Variants in BTBD10 observed in about 807,000 individuals in gnomAD.
The protein encoded by BTBD10 is BTB/POZ domain-containing protein 10.
A neutral mutation model predicts 53.2 loss-of-function variants in BTBD10; 21 were observed. That is an observed-to-expected ratio of 0.39 (90% CI 0.28 to 0.57). The LOEUF (loss-of-function observed/expected upper bound fraction) is 0.57. Ranked by LOEUF, BTBD10 falls within the 20% of genes least tolerant of loss-of-function variation. BTBD10 has a pLI of 0.53. For missense variants in BTBD10, 360 were observed against 594.7 expected, an observed-to-expected ratio of 0.61 and a Z score of 4.10; for synonymous variants, 149 against 192.7, an observed-to-expected ratio of 0.77 and a Z score of 1.88.
intron 8 of BTBD10, among the ~76,000 whole-genome samples, chr11:13,395,189 T>C (rs967775143): frequency 1.9e-4 from 28 of 150,860 alleles, no homozygotes; most frequent in African/African-American, 5.6e-4. Context: ...TTTCTCCACA[T>C]CCTCTCCAGC....
chr11:13,432,014 A>G (rs892302312), intron 2 of BTBD10, among the ~76,000 whole-genome samples: 1 of 152,122 alleles, frequency 6.6e-6, no homozygotes, highest in African/African-American at 2.4e-5. Context: ...ATACCATAGA[A>G]TATTATTCAG....
chr11:13,419,797 A>T (rs1459265375), intron 3 of BTBD10, 52 bp from the exon 4 acceptor site: 1 of 1,378,270 alleles, frequency 7.3e-7, no homozygotes, highest in Middle Eastern at 2.0e-4. Context: ...TACAAATTCA[A>T]GATTTATATA....
At chr11:13,389,850 T>C (rs1442723339) in intron 8 of BTBD10, among the ~76,000 whole-genome samples, 1 of 152,248 alleles carries the variant, frequency 6.6e-6, no homozygotes, top group Non-Finnish European at 1.5e-5. Context: ...GTTTTTTCTT[T>C]TCTTTTTGTT....
chr11:13,441,853 A>G (rs1375996427), intron 2 of BTBD10, among the ~76,000 whole-genome samples: 1 of 152,192 alleles, frequency 6.6e-6, no homozygotes, highest in Non-Finnish European at 1.5e-5. Context: ...TTTAAAAACC[A>G]TATTTCTCAG....
In BTBD10 at chr11:13,390,043, T is replaced by C. The variant is rs377712426; in HGVS notation, c.1118-902A>G. On this transcript the variant is annotated intron_variant, in intron 8 of 8. Coordinates refer to ENST00000278174, the MANE Select transcript of BTBD10 (RefSeq NM_032320.7). ...TTAATAGTACCTAATATTACCTTCC[T>C]CTTTTGGAACATAGTCACTTAAAAG... Among the ~76,000 whole-genome samples the C allele has an allele frequency of 8.5e-5, 13 of 152,254 alleles. No individual in the cohort carries two copies. The South Asian group carries it at 2.7e-3, about 32-fold the overall frequency.
intron 8 of BTBD10, among the ~76,000 whole-genome samples, chr11:13,394,252 C>T (rs1301079732): frequency 2.6e-5 from 4 of 152,186 alleles, no homozygotes; most frequent in African/African-American, 7.2e-5. Context: ...GTAATCCCAA[C>T]GTGTCAGGAG....
intron 6 of BTBD10, among the ~76,000 whole-genome samples, chr11:13,413,116 T>C (rs935442113): frequency 6.6e-6 from 1 of 152,194 alleles, no homozygotes; most frequent in Non-Finnish European, 1.5e-5. Flanking sequence ...TTTTGAGAAT[T>C]ATTTGTGTTT....
intron 6 of BTBD10, among the ~76,000 whole-genome samples, chr11:13,410,646 C>G (rs1263901084): frequency 6.6e-6 from 1 of 152,122 alleles, no homozygotes; most frequent in Non-Finnish European, 1.5e-5. Flanking sequence ...TTATTTATAA[C>G]ATAGTCAATT....
rs202045786 is a variant in BTBD10 at position 13,413,611 on chromosome 11, T to C, written c.727A>G (p.Ile243Val). ...GCTTCTCTCAGTTCAGGAATAGATA[T>C]GCCATCAGGACAACGGATTATTCCT... ...KTGIIRCPDG[I>V]SIPELREACD... Residue 243 changes from isoleucine to valine, a missense_variant, in exon 6 of 9, where the codon ATA becomes GTA. Physicochemically the swap from Ile to Val is conservative, Grantham distance 29. Transcript: ENST00000278174. The C allele has an allele frequency of 1.4e-5, 22 of 1,611,830 alleles. No homozygotes were observed. The highest frequency in any genetic ancestry group is 2.2e-5 in the South Asian group (2 of 90,926).
At chr11:13,451,206 A>G (rs1950852280) in intron 1 of BTBD10, among the ~76,000 whole-genome samples, 2 of 152,190 alleles carry the variant, frequency 1.3e-5, no homozygotes, top group South Asian at 4.1e-4. Context: ...TGGCAGAAAA[A>G]GCAGGCAGAG....
At chr11:13,416,752 G>A (rs112167710) in intron 5 of BTBD10, among the ~76,000 whole-genome samples, 3,659 of 152,270 alleles carry the variant, frequency 0.024, 51 homozygotes, top group Non-Finnish European at 0.038. Context: ...CGAGGCAGGA[G>A]GATCGCTTGA....
rs567665702 is a variant in BTBD10 at position 13,418,462 on chromosome 11, G to A, written c.584+998C>T. 2.6e-5 allele frequency among the ~76,000 whole-genome samples: 4 copies of A among 151,958 alleles called. No individual in the cohort carries two copies. The East Asian group carries it at 5.8e-4, about 22-fold the overall frequency. ...CTTTTTTATTGTTTCTATATATTAT[G>A]TAAAAATATAAAGTATCATTAACAC... On this transcript the variant is annotated intron_variant, in intron 4 of 8. Transcript: ENST00000278174.
intron 1 of BTBD10, among the ~76,000 whole-genome samples, chr11:13,460,439 A>AT (rs1951070479): frequency 1.3e-5 from 2 of 152,290 alleles, no homozygotes; most frequent in South Asian, 4.1e-4. Flanking sequence ...CCCATTCCCC[A>AT]TAACCCAACT....
intron 7 of BTBD10, chr11:13,404,653 G>T: frequency 1.0e-6 from 1 of 975,184 alleles, no homozygotes; most frequent in Non-Finnish European, 1.2e-6. Context: ...AAAGAGCCTA[G>T]AACTGAGGAA....
At chr11:13,391,854 G>C (rs575067730) in intron 8 of BTBD10, among the ~76,000 whole-genome samples, 1 of 152,202 alleles carries the variant, frequency 6.6e-6, no homozygotes, top group Non-Finnish European at 1.5e-5. Flanking sequence ...TGAGACAGGA[G>C]AATCACTTGA....
intron 7 of BTBD10, 49 bp downstream of exon 7, chr11:13,405,610 A>T: frequency 6.3e-7 from 1 of 1,599,498 alleles, no homozygotes; most frequent in Admixed American, 1.7e-5. Flanking sequence ...CATAAACAAG[A>T]AATAATTCGT....
At chr11:13,430,411 C>T (rs1334125064) in intron 2 of BTBD10, among the ~76,000 whole-genome samples, 1 of 152,168 alleles carries the variant, frequency 6.6e-6, no homozygotes, top group Non-Finnish European at 1.5e-5. Context: ...CTCTCATACA[C>T]TTGTGGTAGG....
At chr11:13,418,715 A>G (rs1950177471) in intron 4 of BTBD10, among the ~76,000 whole-genome samples, 1 of 152,186 alleles carries the variant, frequency 6.6e-6, no homozygotes, top group Non-Finnish European at 1.5e-5. Flanking sequence ...CTAGTAAAGT[A>G]CAAGTTTTTA....
intron 5 of BTBD10, among the ~76,000 whole-genome samples, chr11:13,416,646 T>C (rs1283857547): frequency 1.3e-5 from 2 of 152,162 alleles, no homozygotes; most frequent in African/African-American, 4.8e-5. Context: ...GGTCATAAAA[T>C]TCATTTGCTT....
Sources: allele counts gnomAD v4.1 joint callset (sites outside exome capture counted in the v4.1 genomes callset), GRCh38; gene constraint gnomAD v4.1.1; transcripts MANE v1.5; gene names NCBI Gene and HGNC (gene_info 2026-07-23, HGNC 2026-07-21).